The following PALLD variants were observed in gnomAD, a reference collection of about 807,000 sequenced individuals.
PALLD encodes palladin.
Under a neutral mutation model 123.5 loss-of-function variants are expected in PALLD, and 61 were observed. That is an observed-to-expected ratio of 0.49 (90% CI 0.40 to 0.61). The LOEUF is 0.61. Ranked by LOEUF, PALLD falls within the 20% of genes least tolerant of loss-of-function variation. PALLD has a pLI of 0.00. For synonymous variants in PALLD, 465 were observed against 496.4 expected, an observed-to-expected ratio of 0.94 and a Z score of 0.84; for missense variants, 1,273 against 1,377.0, an observed-to-expected ratio of 0.92 and a Z score of 1.20.
chr4:168,870,768 G>A (rs936451896), intron 10 of PALLD, among the ~76,000 whole-genome samples: 6 of 152,178 alleles, frequency 3.9e-5, no homozygotes, highest in Non-Finnish European at 2.9e-5. Flanking sequence ...TAAACAGAAC[G>A]TGGCAGAGCA....
At chr4:168,868,464 G>A (rs1581832183) in intron 10 of PALLD, among the ~76,000 whole-genome samples, 5 of 152,200 alleles carry the variant, frequency 3.3e-5, no homozygotes, top group Admixed American at 3.3e-4. Context: ...TTACTTGCTT[G>A]TAAGAATGCT....
At chr4:168,532,339 C>T (rs1374242383) in intron 2 of PALLD, among the ~76,000 whole-genome samples, 1 of 152,190 alleles carries the variant, frequency 6.6e-6, no homozygotes, top group African/African-American at 2.4e-5. Flanking sequence ...TAGCACATTA[C>T]TTATACCAGT....
At chr4:168,650,752 T>C (rs148746713) in intron 2 of PALLD, among the ~76,000 whole-genome samples, 2 of 152,310 alleles carry the variant, frequency 1.3e-5, no homozygotes, top group African/African-American at 4.8e-5. Context: ...TTTTAGATGT[T>C]CACATAGCTC....
rs142900313 is a variant in PALLD, at chr4:168,681,037, C to T, written c.1088-295C>T. 7.8e-4 allele frequency among the ~76,000 whole-genome samples: 119 copies of T among 152,120 alleles called. 1 individual carries two copies. In the East Asian group the frequency reaches 0.019, roughly 25 times the overall value. ...ACATCTTTATTTCATAGTTTATAGCCATTTAAAAGTACGGTTGTGATGACC... is the reference window on the plus strand; with the variant it reads ...ACATCTTTATTTCATAGTTTATAGCTATTTAAAAGTACGGTTGTGATGACC... On this transcript the variant is annotated intron_variant, in intron 3 of 21. Transcript: ENST00000505667.
intron 6 of PALLD, among the ~76,000 whole-genome samples, chr4:168,685,820 A>T (rs10011013): frequency 0.016 from 2,412 of 147,468 alleles, 69 homozygotes; most frequent in African/African-American, 0.06. Flanking sequence ...GAAAAAAAAA[A>T]AAAAAAAAAA....
At chr4:168,600,735 T>TG (rs1185199056) in intron 2 of PALLD, among the ~76,000 whole-genome samples, 1 of 152,098 alleles carries the variant, frequency 6.6e-6, no homozygotes, top group Non-Finnish European at 1.5e-5. Flanking sequence ...AGTTTTATAT[T>TG]GGGGGGCAGC....
At chr4:168,591,609 C>T (rs1216372080) in intron 2 of PALLD, among the ~76,000 whole-genome samples, 1 of 152,126 alleles carries the variant, frequency 6.6e-6, no homozygotes, top group Non-Finnish European at 1.5e-5. Context: ...CGTATAATCT[C>T]AGAAACTCAC....
chr4:168,767,110 G>A (rs143921644), intron 10 of PALLD, among the ~76,000 whole-genome samples: 76 of 152,176 alleles, frequency 5.0e-4, no homozygotes, highest in Middle Eastern at 3.4e-3. Flanking sequence ...TTTCACAACC[G>A]GCCAAATAAG....
chr4:168,747,714 A>G (rs1281666663), intron 10 of PALLD, among the ~76,000 whole-genome samples: 1 of 152,234 alleles, frequency 6.6e-6, no homozygotes, highest in Non-Finnish European at 1.5e-5. Context: ...TTCTAGTCTC[A>G]GGGAAGCCAA....
intron 1 of PALLD, among the ~76,000 whole-genome samples, chr4:168,507,187 CT>C (rs1762091003): frequency 1.3e-5 from 2 of 152,278 alleles, no homozygotes; most frequent in Admixed American, 1.3e-4. Flanking sequence ...AATAAAAAAA[CT>C]TGTTCCTCCA....
intron 2 of PALLD, among the ~76,000 whole-genome samples, chr4:168,577,488 C>A (rs1000196803): frequency 5.3e-5 from 8 of 152,076 alleles, no homozygotes; most frequent in Non-Finnish European, 8.8e-5. Context: ...AAATGCATGA[C>A]ATTCACAGGA....
chr4:168,767,172 G>A (rs1442631453), intron 10 of PALLD, among the ~76,000 whole-genome samples: 1 of 152,102 alleles, frequency 6.6e-6, no homozygotes, highest in Non-Finnish European at 1.5e-5. Context: ...AACTATCTCT[G>A]CCTTTCATCT....
chr4:168,744,061 CAG>C (rs2150357753), intron 10 of PALLD, among the ~76,000 whole-genome samples: 1 of 152,248 alleles, frequency 6.6e-6, no homozygotes, highest in South Asian at 2.1e-4. Context: ...GGAGAGCAAA[CAG>C]ATGCTAGAAG....
At chr4:168,509,762 T>G (rs538503258) in intron 1 of PALLD, among the ~76,000 whole-genome samples, 1 of 152,204 alleles carries the variant, frequency 6.6e-6, no homozygotes, top group Non-Finnish European at 1.5e-5. Flanking sequence ...TAAGAAGACA[T>G]GTAAGACAAA....
chr4:168,806,128 T>A (rs1396493902), intron 10 of PALLD, among the ~76,000 whole-genome samples: 2 of 152,198 alleles, frequency 1.3e-5, no homozygotes, highest in African/African-American at 4.8e-5. Flanking sequence ...AATGGTGCAA[T>A]CTCAGCTCAC....
At chr4:168,504,593 C>CA (rs60824764) in intron 1 of PALLD, among the ~76,000 whole-genome samples, 40,390 of 136,156 alleles carry the variant, frequency 0.3, 6,283 homozygotes, top group African/African-American at 0.44. Flanking sequence ...GACTCCAACT[C>CA]AAAAAAAAAA....
chr4:168,546,236 G>C (rs1000951915), intron 2 of PALLD, among the ~76,000 whole-genome samples: 3 of 152,224 alleles, frequency 2.0e-5, no homozygotes, highest in East Asian at 1.9e-4. Context: ...ATGAGAGTGA[G>C]AGCAGTCAGC....
intron 9 of PALLD, among the ~76,000 whole-genome samples, chr4:168,710,181 G>A (rs1784698025): frequency 6.6e-6 from 1 of 152,066 alleles, no homozygotes; most frequent in African/African-American, 2.4e-5. Flanking sequence ...AGAAAGCAAT[G>A]TATTGTATTA....
At chr4:168,887,468 G>A (rs1007125596) in intron 10 of PALLD, among the ~76,000 whole-genome samples, 22 of 152,156 alleles carry the variant, frequency 1.4e-4, no homozygotes, top group African/African-American at 5.3e-4. Context: ...TTTTTCATTT[G>A]TGCTGAGAAC....
Sources: allele counts gnomAD v4.1 joint callset (sites outside exome capture counted in the v4.1 genomes callset), GRCh38; gene constraint gnomAD v4.1.1; transcripts MANE v1.5; gene names NCBI Gene and HGNC (gene_info 2026-07-23, HGNC 2026-07-21).